ALMS1: variants seen among roughly 807,000 people sequenced by gnomAD.
ALMS1 encodes the protein centrosome-associated protein ALMS1.
In ALMS1, 271 loss-of-function variants were observed where a neutral mutation model predicts 352.2. The observed-to-expected ratio is 0.77, with a 90% confidence interval of 0.70 to 0.85. ALMS1 has a LOEUF of 0.85. Ranked by LOEUF, ALMS1 falls within the 40% of genes least tolerant of loss-of-function variation. The pLI is 0.00. For missense variants in ALMS1, 5,445 were observed against 4,870.7 expected (o/e 1.12, Z -3.51); for synonymous variants, 1,865 against 1,761.2 (o/e 1.06, Z -1.48).
At chr2:73,465,954 AG>A (rs1375397515) in intron 9 of ALMS1, among the ~76,000 whole-genome samples, 1 of 152,178 alleles carries the variant, frequency 6.6e-6, no homozygotes, top group African/African-American at 2.4e-5. Flanking sequence ...CACACCAGTT[AG>A]AATGGCGATC....
intron 12 of ALMS1, among the ~76,000 whole-genome samples, chr2:73,541,091 AC>A (rs1354351671): frequency 1.3e-5 from 2 of 152,182 alleles, no homozygotes; most frequent in African/African-American, 4.8e-5. Context: ...ACCATACCAC[AC>A]CTATTCCAAA....
In ALMS1 at chr2:73,419,232, T is replaced by TC. The variant is rs1671239582; in HGVS notation, c.564dup (p.Ser189LeufsTer32). On this transcript the variant is annotated frameshift_variant, in exon 3 of 23. Coordinates refer to ENST00000613296, the MANE Select transcript of ALMS1 (RefSeq NM_001378454.1). LOFTEE classifies it high-confidence loss of function. ...ACGGAAGATACTGAAGTGACAGACT[T>TC]CCCCTCTCTGGAGGAGGGCATATTG... 1 of 1,613,896 alleles carries TC rather than the reference T, an allele frequency of 6.2e-7. No individual in the cohort carries two copies. Among genetic ancestry groups the TC allele is most frequent in the Non-Finnish European group, 8.5e-7 (1 of 1,179,948 alleles).
intron 10 of ALMS1, among the ~76,000 whole-genome samples, chr2:73,492,393 GAT>G (rs1388933910): frequency 1.3e-5 from 2 of 152,178 alleles, no homozygotes; most frequent in East Asian, 3.8e-4. Context: ...AGCAGGTGAT[GAT>G]ATCTCTATTT....
intron 10 of ALMS1, among the ~76,000 whole-genome samples, chr2:73,503,345 A>C (rs1281336262): frequency 1.3e-5 from 2 of 151,554 alleles, no homozygotes; most frequent in East Asian, 3.9e-4. Context: ...GAGAATATGC[A>C]GTGTTTGGTT....
intron 9 of ALMS1, among the ~76,000 whole-genome samples, chr2:73,484,476 A>T (rs1367827787): frequency 6.6e-6 from 1 of 151,500 alleles, no homozygotes; most frequent in Non-Finnish European, 1.5e-5. Context: ...TTTGTGGGTA[A>T]TCCGACCTTT....
chr2:73,427,458 TG>T (rs1471230546), intron 6 of ALMS1, among the ~76,000 whole-genome samples: 2 of 152,116 alleles, frequency 1.3e-5, no homozygotes, highest in African/African-American at 4.8e-5. Flanking sequence ...TACTAGAAAC[TG>T]GCAACTCTAG....
rs1053270481 is a variant in ALMS1, at chr2:73,485,429, C to T, written c.7675-4205C>T. ...GACCCACTTGAGGAGGCAGTCTGCC[C>T]GTTCTCAGATCTCCAGCTGTGTGCT... On this transcript the variant is annotated intron_variant, in intron 9 of 22. Transcript: ENST00000613296. 6.6e-5 allele frequency among the ~76,000 whole-genome samples: 10 copies of T among 152,346 alleles called. No homozygotes were observed. In the East Asian group the frequency reaches 9.6e-4, roughly 15 times the overall value.
At chr2:73,462,294 C>T (rs1314606559) in intron 9 of ALMS1, among the ~76,000 whole-genome samples, 2 of 152,034 alleles carry the variant, frequency 1.3e-5, no homozygotes, top group Admixed American at 6.5e-5. Context: ...AGAGTGGGGG[C>T]CAATATTCAA....
At chr2:73,408,864 CTTT>C (rs58686365) in intron 2 of ALMS1, 117 bp downstream of exon 2, 4,742 of 185,590 alleles carry the variant, frequency 0.026, 3 homozygotes, top group Middle Eastern at 0.042. Flanking sequence ...GTTTTCTTGT[CTTT>C]TTTTTTTTTT....
intron 13 of ALMS1, among the ~76,000 whole-genome samples, chr2:73,552,159 T>C (rs1674451839): frequency 6.6e-6 from 1 of 152,214 alleles, no homozygotes. Context: ...ACCCATTAAC[T>C]CGTCATTTAG....
intron 19 of ALMS1, among the ~76,000 whole-genome samples, chr2:73,601,719 G>T (rs537007909): frequency 1.3e-5 from 2 of 152,264 alleles, no homozygotes; most frequent in African/African-American, 4.8e-5. Flanking sequence ...GTGGGTCCCT[G>T]TGTGTGGAGG....
chr2:73,394,282 T>C (rs1390758188), intron 1 of ALMS1, among the ~76,000 whole-genome samples: 2 of 152,244 alleles, frequency 1.3e-5, no homozygotes. Flanking sequence ...AGAAGCCAGC[T>C]AGTATTTTGA....
chr2:73,509,680 C>T (rs1673409315), intron 10 of ALMS1, among the ~76,000 whole-genome samples: 1 of 152,156 alleles, frequency 6.6e-6, no homozygotes. Flanking sequence ...TTGTCTCTGG[C>T]TGCCCTTAAT....
chr2:73,557,178 T>G (rs1674564058), intron 13 of ALMS1, 42 bp from the exon 14 acceptor site: 2 of 1,613,460 alleles, frequency 1.2e-6, no homozygotes, highest in African/African-American at 1.3e-5. Flanking sequence ...GTTGTGTTTA[T>G]TATCTTTCCT....
At chr2:73,503,999 C>G (rs971809918) in intron 10 of ALMS1, among the ~76,000 whole-genome samples, 1 of 152,102 alleles carries the variant, frequency 6.6e-6, no homozygotes, top group Non-Finnish European at 1.5e-5. Flanking sequence ...TGTACAGAAT[C>G]TTCCTTATTT....
chr2:73,407,679 G>A (rs1280125947), intron 1 of ALMS1, among the ~76,000 whole-genome samples: 1 of 152,092 alleles, frequency 6.6e-6, no homozygotes, highest in Non-Finnish European at 1.5e-5. Flanking sequence ...TTTTGTGAAT[G>A]TTTTAATTTT....
At chr2:73,505,770 T>G (rs2103929859) in intron 10 of ALMS1, among the ~76,000 whole-genome samples, 1 of 152,356 alleles carries the variant, frequency 6.6e-6, no homozygotes, top group Non-Finnish European at 1.5e-5. Context: ...TAGTTTCTTT[T>G]GCTGTGCAGA....
intron 9 of ALMS1, among the ~76,000 whole-genome samples, chr2:73,475,018 T>G (rs1441706776): frequency 6.6e-6 from 1 of 152,062 alleles, no homozygotes; most frequent in South Asian, 2.1e-4. Context: ...TGTGACTGCC[T>G]TCTTTTACTT....
At position 73,519,516 on chromosome 2, in the gene ALMS1, T is replaced by C. The variant is rs6711033; in HGVS notation, c.9540-259T>C. Among the ~76,000 whole-genome samples the C allele has an allele frequency of 0.32, 49,410 of 152,044 alleles. 9,828 individuals carry two copies. Among genetic ancestry groups the C allele is most frequent in the African/African-American group, 0.56 (23,140 of 41,440 alleles). On this transcript the variant is annotated intron_variant, in intron 10 of 22. Transcript: ENST00000613296. ...TTTTCAATTCAGCTGAAAAATAGCATTTCCTCAACTAAATTATATAATTTA... is the reference window on the plus strand; with the variant it reads ...TTTTCAATTCAGCTGAAAAATAGCACTTCCTCAACTAAATTATATAATTTA...
Sources: allele counts gnomAD v4.1 joint callset (sites outside exome capture counted in the v4.1 genomes callset), GRCh38; gene constraint gnomAD v4.1.1; transcripts MANE v1.5; gene names NCBI Gene and HGNC (gene_info 2026-07-23, HGNC 2026-07-21).